TMPO: variants seen among roughly 807,000 people sequenced by gnomAD.
The protein encoded by TMPO is LEM domain containing 4.
In TMPO, 22 loss-of-function variants were observed where a neutral mutation model predicts 45.4. The observed-to-expected ratio is 0.48, with a 90% CI of 0.35 to 0.69. The LOEUF (loss-of-function observed/expected upper bound fraction) is 0.69. Ranked by LOEUF, TMPO falls within the 30% of genes least tolerant of loss-of-function variation. The probability of loss-of-function intolerance (pLI) is 0.01; values close to 1 mark genes in which losing one functional copy is unlikely to be tolerated. For synonymous variants in TMPO, 241 were observed against 204.1 expected, an observed-to-expected ratio of 1.18 and a Z score of -1.54; for missense variants, 512 against 548.8, an observed-to-expected ratio of 0.93 and a Z score of 0.67.
Position 98,548,943 on chromosome 12 carries a change from A to AC in TMPO, c.*1089dup, listed in dbSNP as rs1350348174. 2.0e-5 allele frequency: 3 copies of AC among 152,302 alleles called. No homozygotes were observed. The highest frequency in any genetic ancestry group is 7.2e-5 in the African/African-American group (3 of 41,426). The allele number at this position is 152,302 out of a possible 1,614,324, so 9.4% of individuals were successfully genotyped here. On this transcript the variant is annotated 3_prime_UTR_variant, in exon 9 of 9. Transcript: ENST00000556029. ...AGACCATCCTGGCCAACATGGTGAA[A>AC]CCCCGTCTCTACTAAAAATACAAAA...
chr12:98,545,179 G>A, intron 7 of TMPO, 118 bp downstream of exon 7: 1 of 704,746 alleles, frequency 1.4e-6, no homozygotes, highest in South Asian at 1.7e-5. Context: ...TTCTTTATTG[G>A]GTGGTGTGTG....
chr12:98,519,738 C>T (rs767717927), intron 1 of TMPO, among the ~76,000 whole-genome samples: 2 of 151,986 alleles, frequency 1.3e-5, no homozygotes, highest in African/African-American at 2.4e-5. Context: ...TTTTAAAGTA[C>T]GTTAAGTACA....
At chr12:98,530,286 A>G (rs1877100141) in intron 2 of TMPO, among the ~76,000 whole-genome samples, 1 of 152,022 alleles carries the variant, frequency 6.6e-6, no homozygotes, top group Admixed American at 6.6e-5. Flanking sequence ...GCAGTGAGCT[A>G]TGATCGCACC....
At chr12:98,538,437 C>A (rs1258387213) in intron 4 of TMPO, among the ~76,000 whole-genome samples, 1 of 152,150 alleles carries the variant, frequency 6.6e-6, no homozygotes, top group Non-Finnish European at 1.5e-5. Context: ...TTGCAACCTC[C>A]ACCCTGCTGG....
At chr12:98,539,602 T>C (rs1194534895) in intron 4 of TMPO, among the ~76,000 whole-genome samples, 1 of 151,548 alleles carries the variant, frequency 6.6e-6, no homozygotes, top group African/African-American at 2.4e-5. Flanking sequence ...GCCTCCTGAG[T>C]AGCTGGGATT....
chr12:98,542,427 G>C (rs1332177512), intron 4 of TMPO, among the ~76,000 whole-genome samples: 1 of 148,280 alleles, frequency 6.7e-6, no homozygotes, highest in South Asian at 2.1e-4. Context: ...TGATTTAATT[G>C]GTTATGGTAG....
At chr12:98,520,266 A>AT (rs1876232447) in intron 1 of TMPO, among the ~76,000 whole-genome samples, 2 of 80,234 alleles carry the variant, frequency 2.5e-5, no homozygotes, top group Non-Finnish European at 2.7e-5. Flanking sequence ...GGCCAACCAT[A>AT]TTTTTCCCTT....
At chr12:98,520,747 G>T (rs1030862941) in intron 1 of TMPO, among the ~76,000 whole-genome samples, 4 of 151,270 alleles carry the variant, frequency 2.6e-5, no homozygotes, top group South Asian at 2.1e-4. Flanking sequence ...ACCACGCCTG[G>T]CTAATTTTAT....
chr12:98,515,583 C>T (rs1444322947), upstream of TMPO: 3 of 487,136 alleles, frequency 6.2e-6, no homozygotes, highest in South Asian at 2.7e-5. Flanking sequence ...GTTCTTGGGG[C>T]GTGGGCGAAG....
intron 1 of TMPO, among the ~76,000 whole-genome samples, chr12:98,520,876 G>GGTCA (rs1337621758): frequency 1.3e-5 from 2 of 152,090 alleles, no homozygotes; most frequent in African/African-American, 4.8e-5. Flanking sequence ...CCGGCCTCCA[G>GGTCA]GTCATATTTC....
chr12:98,521,633 G>A (rs1876375735), intron 1 of TMPO, among the ~76,000 whole-genome samples: 1 of 152,166 alleles, frequency 6.6e-6, no homozygotes, highest in African/African-American at 2.4e-5. Context: ...CATTTACAGA[G>A]TTGGCAGTCT....
At chr12:98,530,899 G>T (rs1487081950) in intron 2 of TMPO, among the ~76,000 whole-genome samples, 1 of 152,204 alleles carries the variant, frequency 6.6e-6, no homozygotes, top group Admixed American at 6.5e-5. Context: ...AGAAAGGCCT[G>T]TATTAACCTA....
rs141347778 is a variant in TMPO, at chr12:98,533,331, A to G, written c.565+1493A>G. 97 of 1,614,206 alleles carry G rather than the reference A, an allele frequency of 6.0e-5. No homozygotes were observed. In the African/African-American group the frequency reaches 1.1e-3, roughly 19 times the overall value. ...AATCGCCTCTCTCCAGTAAAAGGAAAGCACTAGAAGAGTCTGAGAGCTCAC... is the reference window on the plus strand; with the variant it reads ...AATCGCCTCTCTCCAGTAAAAGGAAGGCACTAGAAGAGTCTGAGAGCTCAC... On this transcript the variant is annotated intron_variant, in intron 3 of 8. Coordinates refer to ENST00000556029, the MANE Select transcript of TMPO (RefSeq NM_001032283.3).
intron 4 of TMPO, among the ~76,000 whole-genome samples, chr12:98,539,165 A>C (rs1319416277): frequency 6.6e-6 from 1 of 152,014 alleles, no homozygotes; most frequent in Non-Finnish European, 1.5e-5. Flanking sequence ...GCGCCATTGC[A>C]CTCTAGCCTG....
intron 2 of TMPO, among the ~76,000 whole-genome samples, chr12:98,529,563 TTTA>T (rs1293871053): frequency 8.5e-5 from 13 of 152,072 alleles, no homozygotes; most frequent in African/African-American, 2.7e-4. Context: ...AAAATTCCAT[TTTA>T]TTATTATTTT....
At chr12:98,543,283 T>A (rs1367245997) in intron 4 of TMPO, among the ~76,000 whole-genome samples, 3 of 152,360 alleles carry the variant, frequency 2.0e-5, no homozygotes, top group Admixed American at 2.0e-4. Context: ...TGATCATTGA[T>A]GGATGTTCTG....
intron 1 of TMPO, chr12:98,527,525 TAAA>T (rs145065353): frequency 8.6e-4 from 137 of 159,372 alleles, no homozygotes; most frequent in South Asian, 1.6e-3. Context: ...CCTGTATCAT[TAAA>T]AAAAAAAAAA....
intron 1 of TMPO, among the ~76,000 whole-genome samples, chr12:98,521,329 G>A (rs1477622921): frequency 6.6e-6 from 1 of 151,668 alleles, no homozygotes; most frequent in Non-Finnish European, 1.5e-5. Flanking sequence ...AGCCAGGATG[G>A]TCTGGATCTC....
chr12:98,547,176 A>G (rs1321173652), intron 8 of TMPO, among the ~76,000 whole-genome samples: 1 of 151,584 alleles, frequency 6.6e-6, no homozygotes, highest in Non-Finnish European at 1.5e-5. Flanking sequence ...CCTGGGTTCA[A>G]GCGATTCTCC....
Sources: allele counts gnomAD v4.1 joint callset (sites outside exome capture counted in the v4.1 genomes callset), GRCh38; gene constraint gnomAD v4.1.1; transcripts MANE v1.5; gene names NCBI Gene and HGNC (gene_info 2026-07-23, HGNC 2026-07-21).